Variants in LYZL4 observed in about 807,000 individuals in gnomAD.
The protein encoded by LYZL4 is lysozyme like 4.
LYZL4 carries 13 observed loss-of-function variants against 17.6 expected under a neutral mutation model. That is an observed-to-expected ratio of 0.74 (90% CI 0.48 to 1.18). The LOEUF (loss-of-function observed/expected upper bound fraction) is 1.18, where lower values mean the gene tolerates loss of function less well. LYZL4 is among the 50% of genes most tolerant of loss of function. LYZL4 has a pLI of 0.00. For missense variants in LYZL4, 174 were observed against 188.2 expected (o/e 0.92, Z 0.44); for synonymous variants, 64 against 67.7 (o/e 0.95, Z 0.27).
the LYZL4 span, among the ~76,000 whole-genome samples, chr3:42,374,661 C>T: frequency 3.9e-5 from 6 of 152,178 alleles, no homozygotes; most frequent in East Asian, 1.2e-3. Context: ...CTTCAGCTCA[C>T]CTCAGTCCCC....
At chr3:42,382,479 T>A in the LYZL4 span, among the ~76,000 whole-genome samples, 3 of 152,090 alleles carry the variant, frequency 2.0e-5, no homozygotes, top group Non-Finnish European at 4.4e-5. Context: ...TTATTGCTAT[T>A]ATTGAGGTAC....
At chr3:42,386,206 G>C in the LYZL4 span, among the ~76,000 whole-genome samples, 1 of 152,072 alleles carries the variant, frequency 6.6e-6, no homozygotes, top group African/African-American at 2.4e-5. Flanking sequence ...GGGTTCAAGA[G>C]ATTCTTGTGC....
At chr3:42,393,784 C>T (rs1698518459), downstream of LYZL4, among the ~76,000 whole-genome samples, 1 of 151,962 alleles carries the variant, frequency 6.6e-6, no homozygotes, top group South Asian at 2.1e-4. Context: ...TAACAGTCGC[C>T]CCAGGTGATT....
chr3:42,379,972 G>T, the LYZL4 span, among the ~76,000 whole-genome samples: 1 of 152,166 alleles, frequency 6.6e-6, no homozygotes, highest in Non-Finnish European at 1.5e-5. Context: ...ACCGAAAATT[G>T]TAAGTATTTT....
chr3:42,370,598 G>A, the LYZL4 span, among the ~76,000 whole-genome samples: 1 of 152,280 alleles, frequency 6.6e-6, no homozygotes, highest in East Asian at 1.9e-4. Context: ...AAGATTTGGG[G>A]ACTATTTGTT....
chr3:42,398,017 C>A (rs72859459), intron 4 of LYZL4, among the ~76,000 whole-genome samples: 4,559 of 152,266 alleles, frequency 0.03, 229 homozygotes, highest in African/African-American at 0.11. Flanking sequence ...CATCCCACCC[C>A]TCAGCGGGCC....
chr3:42,365,698 A>T, the LYZL4 span, among the ~76,000 whole-genome samples: 8 of 152,218 alleles, frequency 5.3e-5, no homozygotes, highest in Non-Finnish European at 8.8e-5. Context: ...CACGGTGTGG[A>T]TATATACTAC....
the LYZL4 span, among the ~76,000 whole-genome samples, chr3:42,366,810 A>G: frequency 8.7e-4 from 132 of 152,352 alleles, no homozygotes; most frequent in Non-Finnish European, 1.2e-3. Context: ...TGCAAACACA[A>G]CATTCCAGTG....
the LYZL4 span, among the ~76,000 whole-genome samples, chr3:42,375,557 T>C: frequency 6.6e-6 from 1 of 152,194 alleles, no homozygotes; most frequent in Non-Finnish European, 1.5e-5. Flanking sequence ...GTGTCTGCCT[T>C]AGCACTCTGC....
the LYZL4 span, among the ~76,000 whole-genome samples, chr3:42,365,133 A>C: frequency 6.6e-6 from 1 of 152,202 alleles, no homozygotes; most frequent in Non-Finnish European, 1.5e-5. Context: ...CCTTGATTTG[A>C]AACTGGTTTG....
the LYZL4 span, among the ~76,000 whole-genome samples, chr3:42,372,023 C>T: frequency 6.6e-6 from 1 of 152,192 alleles, no homozygotes; most frequent in Non-Finnish European, 1.5e-5. Flanking sequence ...CTGCCTGCCT[C>T]TGTGGGCTGG....
chr3:42,391,183 T>C, the LYZL4 span, among the ~76,000 whole-genome samples: 447 of 152,350 alleles, frequency 2.9e-3, 3 homozygotes, highest in African/African-American at 0.01. Flanking sequence ...GTACTGTATG[T>C]ACAGATGTCT....
the LYZL4 span, among the ~76,000 whole-genome samples, chr3:42,384,508 A>G: frequency 6.6e-6 from 1 of 152,182 alleles, no homozygotes; most frequent in Non-Finnish European, 1.5e-5. Context: ...TTCTTCGAGA[A>G]GATGAACTGA....
chr3:42,406,181 C>T (rs936243042), intron 3 of LYZL4, among the ~76,000 whole-genome samples: 2 of 152,076 alleles, frequency 1.3e-5, no homozygotes, highest in South Asian at 2.1e-4. Flanking sequence ...GGGTCAGGAG[C>T]GGTGGCTCAC....
chr3:42,366,748 G>A, the LYZL4 span, among the ~76,000 whole-genome samples: 1 of 152,192 alleles, frequency 6.6e-6, no homozygotes, highest in Non-Finnish European at 1.5e-5. Flanking sequence ...AGACGAACAT[G>A]CCGAGTACCT....
chr3:42,406,070 C>G (rs1453362521), intron 3 of LYZL4, among the ~76,000 whole-genome samples: 2 of 152,140 alleles, frequency 1.3e-5, no homozygotes, highest in Non-Finnish European at 2.9e-5. Context: ...CGCCTAAGAG[C>G]AGTGGGCAAG....
At chr3:42,376,289 G>C in the LYZL4 span, among the ~76,000 whole-genome samples, 1 of 152,188 alleles carries the variant, frequency 6.6e-6, no homozygotes, top group Admixed American at 6.5e-5. Context: ...TGAAGGTGGG[G>C]AAGTAGAGGC....
intron 4 of LYZL4, among the ~76,000 whole-genome samples, chr3:42,403,188 T>C (rs966060528): frequency 1.3e-5 from 2 of 150,754 alleles, no homozygotes; most frequent in African/African-American, 4.9e-5. Flanking sequence ...AATAGTAATA[T>C]ATAACAAACA....
At chr3:42,397,515 C>A (rs1698572657) in intron 4 of LYZL4, among the ~76,000 whole-genome samples, 181 bp from the exon 5 acceptor site, 1 of 152,194 alleles carries the variant, frequency 6.6e-6, no homozygotes, top group African/African-American at 2.4e-5. Context: ...TTCATCACAT[C>A]CTGGCTTGAA....
Sources: allele counts gnomAD v4.1 joint callset (sites outside exome capture counted in the v4.1 genomes callset), GRCh38; gene constraint gnomAD v4.1.1; transcripts MANE v1.5; gene names NCBI Gene and HGNC (gene_info 2026-07-23, HGNC 2026-07-21).